ATP2B2: variants seen among roughly 807,000 people sequenced by gnomAD.
The protein encoded by ATP2B2 is plasma membrane calcium-transporting ATPase 2.
A neutral mutation model predicts 120.0 loss-of-function variants in ATP2B2; 15 were observed. The ratio of observed to expected loss-of-function variants is 0.12; its 90% CI spans 0.08 to 0.19. The LOEUF (loss-of-function observed/expected upper bound fraction) is 0.19, where lower values mean the gene tolerates loss of function less well. ATP2B2 is among the 10% of genes least tolerant of loss of function. ATP2B2 has a pLI of 1.00. For synonymous variants in ATP2B2, 694 were observed against 700.3 expected (o/e 0.99, Z 0.14); for missense variants, 1,045 against 1,719.8 (o/e 0.61, Z 6.94).
chr3:10,607,521 A>T (rs1191610273), intron 2 of ATP2B2, among the ~76,000 whole-genome samples: 1 of 152,120 alleles, frequency 6.6e-6, no homozygotes, highest in Non-Finnish European at 1.5e-5. Context: ...ACCCCTGCAC[A>T]CCTGGCACCC....
intron 3 of ATP2B2, among the ~76,000 whole-genome samples, chr3:10,525,233 C>A (rs1228312831): frequency 1.3e-5 from 2 of 152,234 alleles, no homozygotes; most frequent in Non-Finnish European, 2.9e-5. Flanking sequence ...TCCCCTAACT[C>A]CACCCTTGGC....
rs79181130 is a variant in ATP2B2, at chr3:10,372,363, G to A, written c.1417-312C>T. Among the ~76,000 whole-genome samples the A allele has an allele frequency of 9.6e-3, 1,468 of 152,276 alleles. 8 individuals are homozygous for A. The highest frequency in any genetic ancestry group is 0.015 in the Non-Finnish European group (991 of 68,030). ...GGAAGAAGGGGGAAAGATAAATAAG[G>A]TTGGTTCCCTCTCTGAGTACTTTAA... On this transcript the variant is annotated intron_variant, in intron 11 of 22. Transcript: ENST00000360273.
chr3:10,490,295 T>C (rs1020188164), intron 1 of ATP2B2, among the ~76,000 whole-genome samples: 9 of 152,270 alleles, frequency 5.9e-5, no homozygotes, highest in African/African-American at 2.2e-4. Flanking sequence ...TCAATGACCC[T>C]CAATTTCCTC....
At chr3:10,482,561 C>T (rs944013703) in intron 1 of ATP2B2, among the ~76,000 whole-genome samples, 1 of 152,186 alleles carries the variant, frequency 6.6e-6, no homozygotes. Context: ...TAGGGTCAAG[C>T]TGCCCCAAGG....
chr3:10,350,504 G>T lies in ATP2B2; in HGVS notation c.2210C>A (p.Thr737Lys), dbSNP rs1421091853. ...ACACTTGATGGCGATGGCCCGAGCC[G>T]TGTTGATATTGTCGCCAGTGACCAT... ...VRMVTGDNIN[T>K]ARAIAIKCGI... The change falls in exon 15 of 23, where the codon ACG becomes AAG. Residue 737 changes from threonine (T) to lysine (K), a missense_variant. Coordinates refer to ENST00000360273, the MANE Select transcript of ATP2B2 (RefSeq NM_001001331.4). 6.2e-7 allele frequency: 1 copy of T among 1,614,226 alleles called. No homozygotes were observed.
At chr3:10,591,836 C>T (rs2068651498) in intron 2 of ATP2B2, among the ~76,000 whole-genome samples, 1 of 152,170 alleles carries the variant, frequency 6.6e-6, no homozygotes, top group South Asian at 2.1e-4. Flanking sequence ...TCCATGTTTC[C>T]TGACCTTCAA....
At chr3:10,386,541 T>C (rs765815895) in intron 6 of ATP2B2, 29 bp from the exon 7 acceptor site, 10 of 1,613,818 alleles carry the variant, frequency 6.2e-6, no homozygotes, top group Middle Eastern at 3.3e-4. Flanking sequence ...GACATGTTAA[T>C]GAAGGAGAAG....
chr3:10,349,706 G>A (rs1005885881), intron 16 of ATP2B2, among the ~76,000 whole-genome samples: 3 of 152,092 alleles, frequency 2.0e-5, no homozygotes, highest in African/African-American at 4.8e-5. Context: ...AGTAGGCTGA[G>A]TATCAGACAA....
chr3:10,644,512 A>C (rs371957130), intron 1 of ATP2B2, among the ~76,000 whole-genome samples: 2 of 152,362 alleles, frequency 1.3e-5, no homozygotes, highest in South Asian at 4.1e-4. Flanking sequence ...AGCAACCCGA[A>C]TGTTCATCAA....
chr3:10,515,472 C>A (rs1463997702), intron 3 of ATP2B2, among the ~76,000 whole-genome samples: 3 of 152,186 alleles, frequency 2.0e-5, no homozygotes, highest in Admixed American at 1.3e-4. Context: ...ATGGGAGTGT[C>A]TCAATCTTCT....
intron 8 of ATP2B2, among the ~76,000 whole-genome samples, chr3:10,384,036 A>G (rs1305214898): frequency 6.6e-6 from 1 of 152,102 alleles, no homozygotes; most frequent in East Asian, 1.9e-4. Context: ...CCACTCCCCA[A>G]GCTGTCATCC....
In ATP2B2 at chr3:10,350,575, G is replaced by C. The variant is rs763366873; in HGVS notation, c.2139C>G (p.Val713=). The change falls in exon 15 of 23, where the codon GTC becomes GTG. Residue 713 remains valine (V), a splice_region_variant and synonymous_variant. Transcript: ENST00000360273. ...GCTGGCACTTGCGGATGGCTTCTGG[G>C]ACCTGGGCAGGAGGGCAGGGGCCAT... The part of the protein sequence containing the change: ...VGIEDPVRPE[V]PEAIRKCQRA... 2.5e-6 allele frequency: 4 copies of C among 1,612,158 alleles called. No homozygotes were observed. The highest frequency in any genetic ancestry group is 3.3e-5 in the Admixed American group (2 of 60,026).
intron 1 of ATP2B2, among the ~76,000 whole-genome samples, chr3:10,651,524 G>A (rs925391921): frequency 1.3e-5 from 2 of 152,194 alleles, no homozygotes; most frequent in African/African-American, 2.4e-5. Context: ...ACATGGAACT[G>A]TAAGTCCAAT....
intron 1 of ATP2B2, among the ~76,000 whole-genome samples, chr3:10,495,922 C>T (rs989649558): frequency 1.3e-5 from 2 of 152,224 alleles, no homozygotes; most frequent in East Asian, 1.9e-4. Context: ...GGGCTGCCTC[C>T]GCCTCCCAGC....
chr3:10,402,152 G>A lies in ATP2B2; in HGVS notation c.594C>T (p.Gly198=). 1 of 1,614,152 alleles carries A rather than the reference G, an allele frequency of 6.2e-7. No homozygotes were observed. Among genetic ancestry groups the A allele is most frequent in the Non-Finnish European group, 8.5e-7 (1 of 1,180,048 alleles). Reference sequence around the variant, plus strand: ...CAGCCACAGGGATCTGGACCACCTGGCCAGCCCGGACCACGGTAAATTTCT... The same window carrying A: ...CAGCCACAGGGATCTGGACCACCTGACCAGCCCGGACCACGGTAAATTTCT... ...QEQKFTVVRA[G]QVVQIPVAEI... Residue 198 remains glycine, a synonymous_variant, in exon 4 of 23, where the codon GGC becomes GGT. Coordinates refer to ENST00000360273, the MANE Select transcript of ATP2B2 (RefSeq NM_001001331.4). This position sits in a 1 kb window ranked among gnomAD's most constrained non-coding sequence, Gnocchi z 4.9.
Position 10,343,204 on chromosome 3 carries a change from G to A in ATP2B2, c.2704-239C>T, listed in dbSNP as rs2060331733. On this transcript the variant is annotated intron_variant, in intron 18 of 22. Coordinates refer to ENST00000360273, the MANE Select transcript of ATP2B2 (RefSeq NM_001001331.4). This position sits in a 1 kb window ranked among gnomAD's most constrained non-coding sequence, Gnocchi z 4.2. ...ATAAGTGAGTCCCCCCAGGCCCAAT[G>A]GCCACCAGCTCCCTGCCTTCTGGTA... is the stretch of plus-strand genomic sequence containing the variant. Among the ~76,000 whole-genome samples, 1 of 152,150 alleles carries A rather than the reference G, an allele frequency of 6.6e-6. No individual in the cohort carries two copies. Among genetic ancestry groups the A allele is most frequent in the South Asian group, 2.1e-4 (1 of 4,822 alleles).
chr3:10,693,018 G>A lies in ATP2B2; in HGVS notation c.-460+14897C>T, dbSNP rs2071692027. 2.0e-5 allele frequency among the ~76,000 whole-genome samples: 3 copies of A among 152,300 alleles called. No individual in the cohort carries two copies. The South Asian group carries it at 6.2e-4, about 32-fold the overall frequency. On this transcript the variant is annotated intron_variant, in intron 1 of 21. Coordinates refer to the ATP2B2 transcript ENST00000646379. ...AGGGGCTGGGGCCTGGGGGCAGATA[G>A]AAGATGTATGAATGTCCATTTTCTT... is the stretch of plus-strand genomic sequence containing the variant.
chr3:10,363,212 A>T (rs964707525), intron 12 of ATP2B2, among the ~76,000 whole-genome samples: 12 of 152,156 alleles, frequency 7.9e-5, no homozygotes, highest in Admixed American at 6.5e-4. Flanking sequence ...GCCTACGTGC[A>T]TTACTAAGAA....
At chr3:10,623,280 A>G (rs116443392) in intron 1 of ATP2B2, among the ~76,000 whole-genome samples, 4,860 of 152,168 alleles carry the variant, frequency 0.032, 250 homozygotes, top group African/African-American at 0.11. Context: ...GCTGGTCTCA[A>G]ACTCCTGGCT....
Sources: allele counts gnomAD v4.1 joint callset (sites outside exome capture counted in the v4.1 genomes callset), GRCh38; gene constraint gnomAD v4.1.1; non-coding constraint Gnocchi (gnomAD v3.1); transcripts MANE v1.5; gene names NCBI Gene and HGNC (gene_info 2026-07-23, HGNC 2026-07-21).